Variants in DNM3 observed in about 807,000 individuals in gnomAD.
DNM3 encodes dynamin 3.
A neutral mutation model predicts 101.6 loss-of-function variants in DNM3; 47 were observed. That is an observed-to-expected ratio of 0.46 (90% CI 0.37 to 0.59). DNM3 has a LOEUF of 0.59. Ranked by LOEUF, DNM3 falls within the 20% of genes least tolerant of loss-of-function variation. The pLI is 0.00. For missense variants in DNM3, 849 were observed against 1,085.7 expected (o/e 0.78, Z 3.06); for synonymous variants, 385 against 387.9 (o/e 0.99, Z 0.09).
At chr1:171,872,120 G>T (rs929210980) in intron 1 of DNM3, among the ~76,000 whole-genome samples, 1 of 151,890 alleles carries the variant, frequency 6.6e-6, no homozygotes. Context: ...GAGGGTTGAG[G>T]GAAGATCAGG....
At chr1:172,191,640 A>G (rs2059727942) in intron 14 of DNM3, among the ~76,000 whole-genome samples, 1 of 152,166 alleles carries the variant, frequency 6.6e-6, no homozygotes, top group Non-Finnish European at 1.5e-5. Context: ...GGTTCTTGCT[A>G]TCCATGAGCA....
intron 14 of DNM3, among the ~76,000 whole-genome samples, chr1:172,185,951 C>G (rs1421914230): frequency 1.3e-5 from 2 of 152,008 alleles, no homozygotes; most frequent in African/African-American, 2.4e-5. Flanking sequence ...ATATTATGAA[C>G]AGTTGTTATA....
intron 16 of DNM3, among the ~76,000 whole-genome samples, chr1:172,314,749 C>G (rs921847358): frequency 6.6e-6 from 1 of 152,214 alleles, no homozygotes; most frequent in African/African-American, 2.4e-5. Context: ...CTCCAACTGG[C>G]TGGAGCCCAC....
intron 17 of DNM3, among the ~76,000 whole-genome samples, chr1:172,344,016 T>TTCTCATCTTCTCATCTTCTCA (rs2066814976): frequency 1.3e-5 from 2 of 152,202 alleles, no homozygotes; most frequent in Non-Finnish European, 2.9e-5. Flanking sequence ...TCTTCTCATC[T>TTCTCATCTTCTCATCTTCTCA]TCTGTTCACT....
At chr1:172,075,098 G>A (rs12092483) in intron 11 of DNM3, among the ~76,000 whole-genome samples, 111 of 151,680 alleles carry the variant, frequency 7.3e-4, no homozygotes, top group African/African-American at 2.5e-3. Flanking sequence ...TCATATGTTT[G>A]TTGGCTGCAT....
chr1:172,133,273 G>A, intron 14 of DNM3: 2 of 1,060,104 alleles, frequency 1.9e-6, no homozygotes, highest in Non-Finnish European at 2.3e-6. Context: ...CTTGGTTATT[G>A]GCTCATCTCC....
chr1:171,842,581 C>G (rs749421245), intron 1 of DNM3, among the ~76,000 whole-genome samples: 5 of 152,142 alleles, frequency 3.3e-5, no homozygotes, highest in Non-Finnish European at 7.3e-5. Flanking sequence ...TGTCCAGGTG[C>G]CATGTCATTC....
intron 4 of DNM3, among the ~76,000 whole-genome samples, chr1:172,026,352 G>C (rs566964383): frequency 6.6e-6 from 1 of 152,234 alleles, no homozygotes; most frequent in African/African-American, 2.4e-5. Flanking sequence ...GAAAGTGATG[G>C]GAAGAATGGA....
At chr1:171,962,989 G>A (rs1012106111) in intron 2 of DNM3, among the ~76,000 whole-genome samples, 5 of 152,084 alleles carry the variant, frequency 3.3e-5, no homozygotes, top group African/African-American at 1.2e-4. Context: ...GGTTTCTTAG[G>A]AAACTAAACA....
chr1:172,095,643 G>A (rs1352724591), intron 13 of DNM3, among the ~76,000 whole-genome samples: 6 of 152,088 alleles, frequency 3.9e-5, no homozygotes. Context: ...GGTTGGTGGG[G>A]CTGAAACACT....
intron 17 of DNM3, among the ~76,000 whole-genome samples, chr1:172,359,386 T>G (rs2067623780): frequency 6.6e-6 from 1 of 151,970 alleles, no homozygotes; most frequent in African/African-American, 2.4e-5. Context: ...TTTTCTCTAC[T>G]GTAAGATAGT....
rs1300661231 is a variant in DNM3 at position 172,209,972 on chromosome 1, CATA to C, written c.1660-43591_1660-43589del. On this transcript the variant is annotated intron_variant, in intron 14 of 20. Coordinates refer to ENST00000627582, the MANE Select transcript of DNM3 (RefSeq NM_015569.5). Reference sequence around the variant, plus strand: ...TTTTCCATTTTAATAGTAATAATTACATAATAATAATATTGTAGCTAACACTTA... The same window carrying C: ...TTTTCCATTTTAATAGTAATAATTACATAATAATATTGTAGCTAACACTTA... Among the ~76,000 whole-genome samples the C allele has an allele frequency of 2.0e-5, 3 of 152,174 alleles. No individual in the cohort carries two copies. The East Asian group carries it at 5.8e-4, about 29-fold the overall frequency.
chr1:172,185,418 A>T (rs1238070366), intron 14 of DNM3, among the ~76,000 whole-genome samples: 1 of 152,116 alleles, frequency 6.6e-6, no homozygotes, highest in African/African-American at 2.4e-5. Context: ...TTTACATTTA[A>T]GTTGAACTGT....
chr1:172,034,275 A>G lies in DNM3; in HGVS notation c.849+1010A>G, dbSNP rs189314678. ...CATTTGGACACTAGGAAACATCACTATGATTGTATCATTTAAAAATATGAA... is the reference window on the plus strand; with the variant it reads ...CATTTGGACACTAGGAAACATCACTGTGATTGTATCATTTAAAAATATGAA... On this transcript the variant is annotated intron_variant, in intron 6 of 20. Transcript: ENST00000627582. Among the ~76,000 whole-genome samples the G allele has an allele frequency of 4.6e-5, 7 of 152,246 alleles. No individual in the cohort carries two copies. The East Asian group carries it at 9.7e-4, about 21-fold the overall frequency.
At chr1:172,283,567 C>A (rs1165738268) in intron 15 of DNM3, among the ~76,000 whole-genome samples, 1 of 151,784 alleles carries the variant, frequency 6.6e-6, no homozygotes, top group Non-Finnish European at 1.5e-5. Flanking sequence ...CAAGACCATC[C>A]TGGCCAAGAT....
At chr1:171,901,843 G>A (rs2038384958) in intron 1 of DNM3, among the ~76,000 whole-genome samples, 1 of 152,208 alleles carries the variant, frequency 6.6e-6, no homozygotes, top group Admixed American at 6.5e-5. Context: ...GTGCTAGCTG[G>A]GACCTTTCCT....
At chr1:171,935,769 CTTTTTTTTTTTTTT>C (rs551030808) in intron 2 of DNM3, among the ~76,000 whole-genome samples, 1,129 of 48,042 alleles carry the variant, frequency 0.024, 37 homozygotes, top group African/African-American at 0.079. Flanking sequence ...CAAATCAAAA[CTTTTTTTTTTTTTT>C]TTTTTTTTTT....
intron 10 of DNM3, among the ~76,000 whole-genome samples, chr1:172,065,311 T>A (rs1466430855): frequency 6.6e-6 from 1 of 152,212 alleles, no homozygotes; most frequent in African/African-American, 2.4e-5. Flanking sequence ...GCTTGCGTAG[T>A]TACTTCTCTG....
intron 4 of DNM3, among the ~76,000 whole-genome samples, chr1:171,992,866 A>T (rs2045729191): frequency 6.6e-6 from 1 of 151,450 alleles, no homozygotes; most frequent in African/African-American, 2.4e-5. Flanking sequence ...TTGGTCATTT[A>T]TTTTACTTTT....
Sources: allele counts gnomAD v4.1 joint callset (sites outside exome capture counted in the v4.1 genomes callset), GRCh38; gene constraint gnomAD v4.1.1; transcripts MANE v1.5; gene names NCBI Gene and HGNC (gene_info 2026-07-23, HGNC 2026-07-21).